ATP8A2: variants seen among roughly 807,000 people sequenced by gnomAD.
ATP8A2 encodes the protein phospholipid-transporting ATPase IB.
In ATP8A2, 100 loss-of-function variants were observed where a neutral mutation model predicts 165.6. The ratio of observed to expected loss-of-function variants is 0.60; its 90% CI spans 0.51 to 0.71. The LOEUF is 0.71. ATP8A2 is among the 30% of genes least tolerant of loss of function. The pLI is 0.00. For synonymous variants in ATP8A2, 543 were observed against 548.8 expected (o/e 0.99, Z 0.15); for missense variants, 1,227 against 1,479.5 (o/e 0.83, Z 2.80).
At chr13:25,520,852 G>A (rs1272460787) in intron 2 of ATP8A2, among the ~76,000 whole-genome samples, 1 of 151,992 alleles carries the variant, frequency 6.6e-6, no homozygotes, top group African/African-American at 2.4e-5. Context: ...CTGACCTCGT[G>A]GTCTGCCCGC....
At chr13:25,595,357 A>G (rs1021202013) in intron 24 of ATP8A2, among the ~76,000 whole-genome samples, 2 of 152,226 alleles carry the variant, frequency 1.3e-5, no homozygotes, top group African/African-American at 2.4e-5. Flanking sequence ...AAATGGAATC[A>G]GATAAAATTC....
chr13:25,656,511 G>T (rs138100954), intron 24 of ATP8A2, among the ~76,000 whole-genome samples: 2,139 of 151,992 alleles, frequency 0.014, 53 homozygotes, highest in African/African-American at 0.049. Context: ...CCTGACCTCA[G>T]ATCTGCCCAC....
chr13:25,563,838 A>T, intron 15 of ATP8A2, 118 bp from the exon 16 acceptor site: 1 of 634,174 alleles, frequency 1.6e-6, no homozygotes, highest in Non-Finnish European at 2.8e-6. Context: ...TAAAAGTTTA[A>T]TGTGAATCCC....
chr13:25,419,378 T>C (rs1016250543), intron 1 of ATP8A2, among the ~76,000 whole-genome samples: 1 of 152,184 alleles, frequency 6.6e-6, no homozygotes, highest in Non-Finnish European at 1.5e-5. Flanking sequence ...GAGGCCCCCA[T>C]CTGTTAAAAA....
At chr13:25,421,995 C>T (rs924865671) in intron 1 of ATP8A2, among the ~76,000 whole-genome samples, 1 of 152,172 alleles carries the variant, frequency 6.6e-6, no homozygotes, top group African/African-American at 2.4e-5. Context: ...TTACGTCCTC[C>T]CTACCTCAGT....
intron 25 of ATP8A2, among the ~76,000 whole-genome samples, chr13:25,718,775 TA>T (rs2138019833): frequency 6.6e-6 from 1 of 152,332 alleles, no homozygotes; most frequent in Non-Finnish European, 1.5e-5. Flanking sequence ...TAAGGTTAGT[TA>T]GAAGTAAAGG....
intron 1 of ATP8A2, among the ~76,000 whole-genome samples, chr13:25,395,638 C>G (rs189305477): frequency 6.6e-6 from 1 of 152,060 alleles, no homozygotes; most frequent in African/African-American, 2.4e-5. Flanking sequence ...TGGGCTCAAA[C>G]GATCCTCCCA....
intron 24 of ATP8A2, among the ~76,000 whole-genome samples, chr13:25,668,693 C>T (rs2042205127): frequency 1.3e-5 from 2 of 152,116 alleles, no homozygotes; most frequent in African/African-American, 4.8e-5. Flanking sequence ...TACCACAGGT[C>T]TCTAAGGCTC....
rs546967065 is a variant in ATP8A2 at position 25,891,949 on chromosome 13, C to A, written c.3183+29541C>A. Among the ~76,000 whole-genome samples the A allele has an allele frequency of 5.3e-5, 8 of 150,936 alleles. No individual in the cohort carries two copies. The South Asian group carries it at 1.7e-3, about 32-fold the overall frequency. The stretch of plus-strand genomic sequence containing the variant: ...TTGCTTGATTTTGAGGCTTCATAAT[C>A]TTTTAAAAAGATGGAGATGTATGAC... On this transcript the variant is annotated intron_variant, in intron 33 of 36. Transcript: ENST00000381655.
intron 24 of ATP8A2, among the ~76,000 whole-genome samples, chr13:25,690,481 A>T (rs1300626167): frequency 6.6e-6 from 1 of 151,558 alleles, no homozygotes; most frequent in Non-Finnish European, 1.5e-5. Flanking sequence ...ATGCACACAC[A>T]GTGTGTCCCT....
rs115837903 is a variant in ATP8A2 at position 25,433,034 on chromosome 13, T to C, written c.77-35943T>C. Among the ~76,000 whole-genome samples, 1,296 of 152,308 alleles carry C rather than the reference T, an allele frequency of 8.5e-3. 21 individuals carry two copies. The highest frequency in any genetic ancestry group is 0.029 in the African/African-American group (1,199 of 41,566). On this transcript the variant is annotated intron_variant, in intron 1 of 36. Coordinates refer to ENST00000381655, the MANE Select transcript of ATP8A2 (RefSeq NM_016529.6). ...GTTTGGAGAAATCTGAGTTAGTCTG[T>C]AGAATGGCTTCTATTTCTTTTAAAT... is the stretch of plus-strand genomic sequence containing the variant.
At chr13:25,764,196 A>C (rs984017399) in intron 25 of ATP8A2, among the ~76,000 whole-genome samples, 1 of 152,170 alleles carries the variant, frequency 6.6e-6, no homozygotes, top group African/African-American at 2.4e-5. Flanking sequence ...TCATTACGAA[A>C]AACAACTTAT....
intron 30 of ATP8A2, among the ~76,000 whole-genome samples, chr13:25,844,696 T>G (rs1343172497): frequency 1.3e-5 from 2 of 152,130 alleles, no homozygotes; most frequent in Admixed American, 1.3e-4. Context: ...AAGAGCTGCC[T>G]GAAGCCATCC....
chr13:25,641,830 G>A (rs370663454), intron 24 of ATP8A2, among the ~76,000 whole-genome samples: 11 of 112,748 alleles, frequency 9.8e-5, no homozygotes, highest in Admixed American at 3.0e-4. Context: ...AGCTGGAGGC[G>A]TCACGCTACC....
intron 25 of ATP8A2, among the ~76,000 whole-genome samples, chr13:25,701,841 A>T (rs772861270): frequency 6.6e-6 from 1 of 151,938 alleles, no homozygotes; most frequent in Non-Finnish European, 1.5e-5. Flanking sequence ...GAAGACTTCA[A>T]AGGGGAGTTC....
intron 25 of ATP8A2, among the ~76,000 whole-genome samples, chr13:25,713,107 A>G (rs2043187414): frequency 6.6e-6 from 1 of 152,202 alleles, no homozygotes; most frequent in Non-Finnish European, 1.5e-5. Context: ...ATTGTATAGA[A>G]TTCTCCCCTT....
At chr13:25,606,041 A>G (rs544203323) in intron 24 of ATP8A2, among the ~76,000 whole-genome samples, 1 of 152,322 alleles carries the variant, frequency 6.6e-6, no homozygotes, top group South Asian at 2.1e-4. Flanking sequence ...GAATGAAAAG[A>G]GCTTACCACA....
rs1468401144 is a variant in ATP8A2, at chr13:25,469,066, C to T, written c.166C>T (p.Arg56Cys). ...SVGDQLEAPA[R>C]TIYLNQPHLN... ...TGGAGACCAGCTGGAGGCACCCGCC[C>T]GCACCATTTACCTCAACCAACCGCA... The change falls in exon 2 of 37, where the codon CGC becomes TGC. Residue 56 changes from arginine to cysteine, a missense_variant. Coordinates refer to ENST00000381655, the MANE Select transcript of ATP8A2 (RefSeq NM_016529.6). 1.2e-6 allele frequency: 2 copies of T among 1,613,978 alleles called. No homozygotes were observed. The highest frequency in any genetic ancestry group is 1.3e-5 in the African/African-American group (1 of 74,946).
intron 33 of ATP8A2, among the ~76,000 whole-genome samples, chr13:25,926,035 T>G (rs1397218801): frequency 1.3e-5 from 2 of 152,172 alleles, no homozygotes; most frequent in Non-Finnish European, 1.5e-5. Flanking sequence ...CAGTTCTCAA[T>G]TTTCATAGTA....
Sources: gnomAD v4.1 joint callset for allele counts (sites outside exome capture counted in the v4.1 genomes callset) on GRCh38, gnomAD v4.1.1 for gene constraint, MANE v1.5 for transcripts, NCBI Gene and HGNC (gene_info 2026-07-23, HGNC 2026-07-21) for gene names.